The following DSCAM variants were observed in gnomAD, a reference collection of about 807,000 sequenced individuals.
The protein encoded by DSCAM is DS cell adhesion molecule.
In DSCAM, 47 loss-of-function variants were observed where a neutral mutation model predicts 217.7. The ratio of observed to expected loss-of-function variants is 0.22; its 90% CI spans 0.17 to 0.28. DSCAM has a LOEUF of 0.28. DSCAM is among the 10% of genes least tolerant of loss of function. The pLI, the probability that DSCAM is intolerant of heterozygous loss-of-function variation, is 1.00. For synonymous variants in DSCAM, 1,056 were observed against 1,015.3 expected, an observed-to-expected ratio of 1.04 and a Z score of -0.76; for missense variants, 2,080 against 2,618.3, an observed-to-expected ratio of 0.79 and a Z score of 4.49.
intron 14 of DSCAM, among the ~76,000 whole-genome samples, chr21:40,180,821 A>T (rs2090791084): frequency 6.6e-6 from 1 of 151,760 alleles, no homozygotes; most frequent in African/African-American, 2.4e-5. Context: ...CCATGACTGC[A>T]GTCCCTTACA....
chr21:40,536,789 TAC>T (rs1409801348), intron 3 of DSCAM, among the ~76,000 whole-genome samples: 2 of 152,178 alleles, frequency 1.3e-5, no homozygotes, highest in African/African-American at 4.8e-5. Flanking sequence ...GACACAGAAA[TAC>T]AGTTTTGGGA....
At chr21:40,368,506 T>C (rs2074858318) in intron 4 of DSCAM, among the ~76,000 whole-genome samples, 1 of 152,230 alleles carries the variant, frequency 6.6e-6, no homozygotes, top group African/African-American at 2.4e-5. Flanking sequence ...ATGTAAGTGA[T>C]GAAGAGAAAA....
At chr21:40,071,410 C>T (rs943671747) in intron 27 of DSCAM, among the ~76,000 whole-genome samples, 4 of 152,108 alleles carry the variant, frequency 2.6e-5, no homozygotes, top group Non-Finnish European at 5.9e-5. Flanking sequence ...TTCTTTCTTT[C>T]TTTCTAAAAT....
At chr21:40,316,961 C>T (rs898780301) in intron 8 of DSCAM, among the ~76,000 whole-genome samples, 4 of 151,422 alleles carry the variant, frequency 2.6e-5, no homozygotes, top group East Asian at 1.9e-4. Context: ...GTGGGGTGCT[C>T]GTCAATTCTG....
intron 3 of DSCAM, among the ~76,000 whole-genome samples, chr21:40,503,416 A>G (rs973825632): frequency 6.6e-6 from 1 of 152,184 alleles, no homozygotes; most frequent in African/African-American, 2.4e-5. Context: ...TGAAAAACAA[A>G]CTCTAGCTAC....
chr21:40,485,990 A>G (rs1249215126), intron 3 of DSCAM, among the ~76,000 whole-genome samples: 4 of 152,202 alleles, frequency 2.6e-5, no homozygotes, highest in South Asian at 2.1e-4. Context: ...CTTGTGTCTA[A>G]AAGTTTTTAA....
intron 20 of DSCAM, among the ~76,000 whole-genome samples, chr21:40,106,176 C>T (rs1371427104): frequency 6.6e-6 from 1 of 152,120 alleles, no homozygotes; most frequent in African/African-American, 2.4e-5. Flanking sequence ...CTTTATAAAA[C>T]CATCAGAACT....
At chr21:40,158,369 G>C (rs2090502800) in intron 16 of DSCAM, among the ~76,000 whole-genome samples, 1 of 152,020 alleles carries the variant, frequency 6.6e-6, no homozygotes, top group Non-Finnish European at 1.5e-5. Flanking sequence ...CATTCAGCCT[G>C]GGTGGTAGAG....
chr21:40,268,190 C>T (rs542520112), intron 11 of DSCAM, among the ~76,000 whole-genome samples: 17 of 152,322 alleles, frequency 1.1e-4, no homozygotes, highest in East Asian at 1.9e-4. Context: ...ATGTCTTTCT[C>T]AAGGGAATTT....
In DSCAM at chr21:40,628,834, G is replaced by A. The variant is rs377688512; in HGVS notation, c.508+63976C>T. On this transcript the variant is annotated intron_variant, in intron 3 of 32. Transcript: ENST00000400454. ...GCGATCTCAGCTCACTGCAACCTCC[G>A]CCTCCTGGGGTCAAGTTATCCTCTC... 9.7e-4 allele frequency among the ~76,000 whole-genome samples: 148 copies of A among 152,116 alleles called. 5 individuals are homozygous for A. In the South Asian group the frequency reaches 0.029, roughly 30 times the overall value.
chr21:40,483,519 G>T (rs951063710), intron 3 of DSCAM, among the ~76,000 whole-genome samples: 2 of 152,108 alleles, frequency 1.3e-5, no homozygotes, highest in South Asian at 4.1e-4. Context: ...CAATATTATT[G>T]TGAGGATCAA....
intron 11 of DSCAM, among the ~76,000 whole-genome samples, chr21:40,223,943 A>C (rs985548359): frequency 1.3e-5 from 2 of 152,154 alleles, no homozygotes; most frequent in Non-Finnish European, 2.9e-5. Context: ...ACCCCACCCC[A>C]CATGCTGTGG....
At chr21:40,629,340 G>C (rs2089655716) in intron 3 of DSCAM, among the ~76,000 whole-genome samples, 1 of 152,046 alleles carries the variant, frequency 6.6e-6, no homozygotes, top group Non-Finnish European at 1.5e-5. Flanking sequence ...ACTTTGGAAG[G>C]GTTTTGAGTC....
intron 8 of DSCAM, among the ~76,000 whole-genome samples, chr21:40,321,655 C>T (rs2074260966): frequency 6.7e-6 from 1 of 148,406 alleles, no homozygotes; most frequent in Non-Finnish European, 1.5e-5. Context: ...CTGTGATATA[C>T]CTTACCCACC....
intron 20 of DSCAM, among the ~76,000 whole-genome samples, chr21:40,122,677 C>T (rs555535803): frequency 2.0e-5 from 3 of 152,296 alleles, no homozygotes; most frequent in East Asian, 3.9e-4. Flanking sequence ...TTGAAAACCA[C>T]ATAAGAAGCC....
chr21:40,689,490 G>C (rs952589055), intron 3 of DSCAM, among the ~76,000 whole-genome samples: 3 of 152,236 alleles, frequency 2.0e-5, no homozygotes, highest in Non-Finnish European at 2.9e-5. Flanking sequence ...ACTGCCATCA[G>C]CTCTCAGCTA....
At chr21:40,772,620 A>G (rs187649327) in intron 1 of DSCAM, among the ~76,000 whole-genome samples, 3 of 152,234 alleles carry the variant, frequency 2.0e-5, no homozygotes, top group East Asian at 1.9e-4. Flanking sequence ...CCCATGTCCA[A>G]CTGCCTGTCT....
At chr21:40,107,676 T>G (rs907577710) in intron 20 of DSCAM, among the ~76,000 whole-genome samples, 3 of 152,216 alleles carry the variant, frequency 2.0e-5, no homozygotes, top group African/African-American at 7.2e-5. Context: ...TTTATGAACC[T>G]GGGTGCTCCC....
chr21:40,248,134 G>T (rs1425533196), intron 11 of DSCAM, among the ~76,000 whole-genome samples: 1 of 152,166 alleles, frequency 6.6e-6, no homozygotes, highest in Non-Finnish European at 1.5e-5. Flanking sequence ...GTTGGCCCAT[G>T]AAACCATTTT....
Sources: allele counts gnomAD v4.1 joint callset (sites outside exome capture counted in the v4.1 genomes callset), GRCh38; gene constraint gnomAD v4.1.1; transcripts MANE v1.5; gene names NCBI Gene and HGNC (gene_info 2026-07-23, HGNC 2026-07-21).